The following EPHA7 variants were observed in gnomAD, a reference collection of about 807,000 sequenced individuals.
The protein encoded by EPHA7 is ephrin type-A receptor 7.
In EPHA7, 25 loss-of-function variants were observed where a neutral mutation model predicts 112.6. The observed-to-expected ratio is 0.22, with a 90% CI of 0.16 to 0.31. The LOEUF (loss-of-function observed/expected upper bound fraction) is 0.31, where lower values mean the gene tolerates loss of function less well. Among genes scored for constraint, EPHA7 ranks in the 10% least tolerant of loss-of-function variants. The probability of loss-of-function intolerance (pLI) is 1.00; values close to 1 mark genes in which losing one functional copy is unlikely to be tolerated. For synonymous variants in EPHA7, 437 were observed against 406.5 expected (o/e 1.07, Z -0.90); for missense variants, 962 against 1,212.6 (o/e 0.79, Z 3.07).
At chr6:93,339,912 C>A (rs1178185919) in intron 5 of EPHA7, among the ~76,000 whole-genome samples, 1 of 151,708 alleles carries the variant, frequency 6.6e-6, no homozygotes, top group Non-Finnish European at 1.5e-5. Context: ...AATAATCTCT[C>A]CCTTTATCTA....
At chr6:93,261,083 C>T (rs1398843677) in intron 9 of EPHA7, among the ~76,000 whole-genome samples, 2 of 151,412 alleles carry the variant, frequency 1.3e-5, no homozygotes, top group Non-Finnish European at 3.0e-5. Context: ...TTTGACAGAC[C>T]AGAGCTTTTT....
intron 3 of EPHA7, among the ~76,000 whole-genome samples, chr6:93,396,953 A>C (rs1211046807): frequency 6.6e-6 from 1 of 151,836 alleles, no homozygotes; most frequent in Non-Finnish European, 1.5e-5. Context: ...AATAGAATCT[A>C]TTAATGAGCT....
intron 5 of EPHA7, among the ~76,000 whole-genome samples, chr6:93,305,836 G>GT (rs1380735910): frequency 1.3e-5 from 2 of 151,618 alleles, no homozygotes; most frequent in African/African-American, 4.8e-5. Context: ...TTTCTTCTTT[G>GT]TTGTCATATA....
chr6:93,268,107 T>C (rs1207419887), intron 7 of EPHA7, among the ~76,000 whole-genome samples: 1 of 151,680 alleles, frequency 6.6e-6, no homozygotes, highest in Non-Finnish European at 1.5e-5. Context: ...AACTTTGATA[T>C]GCTGATTCTT....
chr6:93,363,192 T>G (rs888772767), intron 3 of EPHA7, among the ~76,000 whole-genome samples: 2 of 152,084 alleles, frequency 1.3e-5, no homozygotes, highest in Non-Finnish European at 2.9e-5. Context: ...TTTCTATATT[T>G]TAAAAAAATT....
chr6:93,403,258 G>A (rs449259), intron 3 of EPHA7, among the ~76,000 whole-genome samples: 3,951 of 151,946 alleles, frequency 0.026, 171 homozygotes, highest in African/African-American at 0.09. Flanking sequence ...TCTTTGCTTT[G>A]CCAGTGGATA....
intron 4 of EPHA7, among the ~76,000 whole-genome samples, chr6:93,357,900 T>A (rs1222441987): frequency 1.3e-5 from 2 of 152,076 alleles, no homozygotes; most frequent in East Asian, 3.9e-4. Flanking sequence ...GTGATTATGA[T>A]CCACCCGCCT....
chr6:93,308,450 T>C (rs993525661), intron 5 of EPHA7, among the ~76,000 whole-genome samples: 4 of 152,142 alleles, frequency 2.6e-5, no homozygotes, highest in African/African-American at 9.6e-5. Flanking sequence ...TCTTTAAACA[T>C]GTGGTGTGTA....
intron 5 of EPHA7, among the ~76,000 whole-genome samples, chr6:93,349,859 G>C (rs1012312085): frequency 1.3e-5 from 2 of 151,848 alleles, no homozygotes; most frequent in Non-Finnish European, 2.9e-5. Flanking sequence ...TGAGAAAACA[G>C]TCACAGTTGA....
intron 5 of EPHA7, among the ~76,000 whole-genome samples, chr6:93,287,276 G>GA (rs927060953): frequency 1.3e-5 from 2 of 151,908 alleles, no homozygotes; most frequent in South Asian, 2.1e-4. Flanking sequence ...AGCCAAATAT[G>GA]AAAAAAATTG....
chr6:93,266,559 A>G (rs1351406540), intron 7 of EPHA7, among the ~76,000 whole-genome samples: 1 of 151,784 alleles, frequency 6.6e-6, no homozygotes, highest in East Asian at 1.9e-4. Context: ...TATAAACAGA[A>G]TGTCATGGTT....
chr6:93,419,481 G>T lies in EPHA7; in HGVS notation c.-140C>A. ...CTCGGTCCCCGATCGGCTGCTCCAC[G>T]TTTAGCTTTTTTTAATTTCCCCCCC... is the stretch of plus-strand genomic sequence containing the variant. On this transcript the variant is annotated 5_prime_UTR_variant, in exon 1 of 17. Coordinates refer to ENST00000369303, the MANE Select transcript of EPHA7 (RefSeq NM_004440.4). 1.6e-6 allele frequency: 1 copy of T among 635,178 alleles called. No homozygotes were observed. Among genetic ancestry groups the T allele is most frequent in the Non-Finnish European group, 2.6e-6 (1 of 379,546 alleles). The allele number at this position is 635,178 out of a possible 1,614,324, so 39.3% of individuals were successfully genotyped here. A position where few individuals can be genotyped will look rare whatever the true frequency, so the allele number is the denominator to read the frequency against.
intron 14 of EPHA7, among the ~76,000 whole-genome samples, chr6:93,251,462 A>T (rs1036091725): frequency 6.6e-6 from 1 of 151,608 alleles, no homozygotes; most frequent in Non-Finnish European, 1.5e-5. Flanking sequence ...ATAAGAAAAA[A>T]ATACTTTCTT....
At chr6:93,336,870 T>C (rs1427533673) in intron 5 of EPHA7, among the ~76,000 whole-genome samples, 2 of 148,974 alleles carry the variant, frequency 1.3e-5, no homozygotes, top group African/African-American at 2.5e-5. Context: ...ATAAATTGGA[T>C]AGTTTACAAA....
At chr6:93,396,934 T>G (rs1193440650) in intron 3 of EPHA7, among the ~76,000 whole-genome samples, 1 of 151,802 alleles carries the variant, frequency 6.6e-6, no homozygotes, top group Non-Finnish European at 1.5e-5. Context: ...ATATATTATA[T>G]GATTCTGAAA....
chr6:93,315,410 C>T (rs914306807), intron 5 of EPHA7, among the ~76,000 whole-genome samples: 3 of 152,164 alleles, frequency 2.0e-5, no homozygotes, highest in African/African-American at 4.8e-5. Context: ...GCAGCAGTTG[C>T]GTGGTCTGTC....
chr6:93,376,970 C>A (rs1353878737), intron 3 of EPHA7, among the ~76,000 whole-genome samples: 1 of 152,130 alleles, frequency 6.6e-6, no homozygotes, highest in Non-Finnish European at 1.5e-5. Context: ...TTACATATAA[C>A]CACCATGAGG....
At chr6:93,324,979 GA>G (rs1014290102) in intron 5 of EPHA7, among the ~76,000 whole-genome samples, 2 of 151,156 alleles carry the variant, frequency 1.3e-5, no homozygotes, top group Non-Finnish European at 3.0e-5. Context: ...TAACAATCCT[GA>G]AAAAAGGCAT....
chr6:93,268,655 G>A (rs1771064077), intron 7 of EPHA7, among the ~76,000 whole-genome samples: 1 of 151,676 alleles, frequency 6.6e-6, no homozygotes, highest in African/African-American at 2.4e-5. Context: ...CAGCTCTGTG[G>A]AGGAGCAACA....
Sources: gnomAD v4.1 joint callset for allele counts (sites outside exome capture counted in the v4.1 genomes callset) on GRCh38, gnomAD v4.1.1 for gene constraint, MANE v1.5 for transcripts, NCBI Gene and HGNC (gene_info 2026-07-23, HGNC 2026-07-21) for gene names.